The following PCDHGA11 variants were observed in gnomAD, a reference collection of about 807,000 sequenced individuals.
PCDHGA11 encodes protocadherin gamma subfamily A, 11.
Under a neutral mutation model 60.4 loss-of-function variants are expected in PCDHGA11, and 39 were observed. The ratio of observed to expected loss-of-function variants is 0.65; its 90% CI spans 0.50 to 0.84. The LOEUF is 0.84. Ranked by LOEUF, PCDHGA11 falls within the 40% of genes least tolerant of loss-of-function variation. PCDHGA11 has a pLI of 0.00. For synonymous variants in PCDHGA11, 533 were observed against 510.3 expected, an observed-to-expected ratio of 1.04 and a Z score of -0.60; for missense variants, 1,165 against 1,197.7, an observed-to-expected ratio of 0.97 and a Z score of 0.40.
chr5:141,432,960 G>C lies in PCDHGA11; in HGVS notation c.2433+9300G>C. ...CAGGCTTCAGGAGGCGGCTTGACAG[G>C]AGCGCCGGCGTCGCACTTTGTGGGC... On this transcript the variant is annotated intron_variant, in intron 1 of 3. Transcript: ENST00000398587. This position sits in a 1 kb window ranked among gnomAD's most constrained non-coding sequence, Gnocchi z 6.0. The C allele has an allele frequency of 2.5e-6, 4 of 1,614,188 alleles. No homozygotes were observed. The highest frequency in any genetic ancestry group is 3.4e-6 in the Non-Finnish European group (4 of 1,180,034).
chr5:141,453,423 C>T (rs931962019), intron 1 of PCDHGA11, among the ~76,000 whole-genome samples: 2 of 152,120 alleles, frequency 1.3e-5, no homozygotes, highest in African/African-American at 4.8e-5. Context: ...TAAGCCACCA[C>T]ACCTAGCCTA....
intron 1 of PCDHGA11, among the ~76,000 whole-genome samples, chr5:141,450,814 A>C (rs990515429): frequency 1.5e-5 from 2 of 136,790 alleles, no homozygotes; most frequent in Non-Finnish European, 3.1e-5. Context: ...TTATTTATTT[A>C]ATATTATTAT....
intron 3 of PCDHGA11, 73 bp from the exon 4 acceptor site, chr5:141,510,874 G>A (rs1419164967): frequency 3.7e-6 from 6 of 1,610,008 alleles, no homozygotes; most frequent in Admixed American, 1.7e-5. Context: ...TTCATTAACT[G>A]CTGGGGATAT....
rs761704779 is a variant in PCDHGA11 at position 141,486,764 on chromosome 5, C to T, written c.2434-8043C>T. ...CTTTGACTATGAGCAAACCCAGACA[C>T]TGCAGTTTGAGGTGCAGGCCCGGGA... On this transcript the variant is annotated intron_variant, in intron 1 of 3. Transcript: ENST00000398587. This position sits in a 1 kb window ranked among gnomAD's most constrained non-coding sequence, Gnocchi z 5.0. 6.2e-7 allele frequency: 1 copy of T among 1,614,264 alleles called. No homozygotes were observed. The highest frequency in any genetic ancestry group is 2.2e-5 in the East Asian group (1 of 44,880).
intron 2 of PCDHGA11, among the ~76,000 whole-genome samples, chr5:141,497,390 C>T (rs2099776143): frequency 6.6e-6 from 1 of 152,158 alleles, no homozygotes; most frequent in Non-Finnish European, 1.5e-5. Context: ...GAGCACCTTA[C>T]CCCTGCCTCA....
chr5:141,511,391 C>G lies in PCDHGA11; in HGVS notation c.*218C>G. ...TGCAAAAGCAGTTCCGCTGGGAACC[C>G]CCATCCAATCAACTGCTGTACCCAT... is the stretch of plus-strand genomic sequence containing the variant. On this transcript the variant is annotated 3_prime_UTR_variant, in exon 4 of 4. Coordinates refer to ENST00000398587, the MANE Select transcript of PCDHGA11 (RefSeq NM_018914.3). 2.8e-6 allele frequency: 3 copies of G among 1,079,748 alleles called. No homozygotes were observed. The highest frequency in any genetic ancestry group is 3.3e-5 in the South Asian group (2 of 60,136). The allele number at this position is 1,079,748 out of a possible 1,614,324, so 66.9% of individuals were successfully genotyped here. A position where few individuals can be genotyped will look rare whatever the true frequency, so the allele number is the denominator to read the frequency against.
At chr5:141,488,331 T>C (rs535498873) in intron 1 of PCDHGA11, among the ~76,000 whole-genome samples, 22 of 152,218 alleles carry the variant, frequency 1.4e-4, no homozygotes, top group Non-Finnish European at 3.1e-4. Context: ...TACAGTTGGC[T>C]GATTCATAGA....
chr5:141,483,660 G>GTCTGTA (rs2099584988), intron 1 of PCDHGA11, among the ~76,000 whole-genome samples: 1 of 152,094 alleles, frequency 6.6e-6, no homozygotes, highest in Non-Finnish European at 1.5e-5. Context: ...GTGTGTGTGT[G>GTCTGTA]TGTGTGTGTA....
chr5:141,476,951 A>C lies in PCDHGA11; in HGVS notation c.2434-17856A>C. On this transcript the variant is annotated intron_variant, in intron 1 of 3. Coordinates refer to ENST00000398587, the MANE Select transcript of PCDHGA11 (RefSeq NM_018914.3). The surrounding 1 kb of genome is among the most constrained non-coding windows in gnomAD (Gnocchi z 7.6). ...TCTGGATGAAGGCCCCAACGGTGAA[A>C]TTATTTACTCCTTCGGCAGCCACAA... 6.2e-7 allele frequency: 1 copy of C among 1,614,184 alleles called. No individual in the cohort carries two copies. Among genetic ancestry groups the C allele is most frequent in the South Asian group, 1.1e-5 (1 of 91,088 alleles).
chr5:141,483,255 GTTTT>G (rs147039946), intron 1 of PCDHGA11, among the ~76,000 whole-genome samples: 7,425 of 152,114 alleles, frequency 0.049, 355 homozygotes, highest in African/African-American at 0.13. Context: ...ATATCATGAG[GTTTT>G]TTTGTTTTAG....
chr5:141,432,803 G>T lies in PCDHGA11; in HGVS notation c.2433+9143G>T, dbSNP rs751950423. 3 of 1,614,160 alleles carry T rather than the reference G, an allele frequency of 1.9e-6. No homozygotes were observed. The highest frequency in any genetic ancestry group is 2.2e-5 in the East Asian group (1 of 44,874). ...GGACCTCGGCAGCCTCGAGTCTCCA[G>T]CTAACTCTGAAACCTCAGACCTCAC... On this transcript the variant is annotated intron_variant, in intron 1 of 3. Coordinates refer to ENST00000398587, the MANE Select transcript of PCDHGA11 (RefSeq NM_018914.3). This position sits in a 1 kb window ranked among gnomAD's most constrained non-coding sequence, Gnocchi z 6.0.
At chr5:141,448,394 T>C (rs1360417681) in intron 1 of PCDHGA11, among the ~76,000 whole-genome samples, 1 of 152,206 alleles carries the variant, frequency 6.6e-6, no homozygotes. Context: ...TACATTTACA[T>C]GGTTTTAAAA....
At chr5:141,456,593 G>C (rs917316601) in intron 1 of PCDHGA11, among the ~76,000 whole-genome samples, 2 of 152,168 alleles carry the variant, frequency 1.3e-5, no homozygotes, top group African/African-American at 4.8e-5. Flanking sequence ...CAATAATTTT[G>C]ATTTGATTTT....
At chr5:141,440,030 G>A (rs780807702) in intron 1 of PCDHGA11, 2 of 153,028 alleles carry the variant, frequency 1.3e-5, no homozygotes, top group African/African-American at 2.4e-5. Context: ...ACTCAGTGTC[G>A]AGGACATGCC....
At position 141,490,632 on chromosome 5, in the gene PCDHGA11, A is replaced by C; in HGVS notation, c.2434-4175A>C. Reference sequence around the variant, plus strand: ...AGCAGCTTTACACTGCTTACATCCTAGAAAACCGGCCTCCGGGCTCCCTTC... The same window carrying C: ...AGCAGCTTTACACTGCTTACATCCTCGAAAACCGGCCTCCGGGCTCCCTTC... On this transcript the variant is annotated intron_variant, in intron 1 of 3. Transcript: ENST00000398587. This position sits in a 1 kb window ranked among gnomAD's most constrained non-coding sequence, Gnocchi z 5.4. The C allele has an allele frequency of 1.2e-6, 2 of 1,614,196 alleles. No individual in the cohort carries two copies. Among genetic ancestry groups the C allele is most frequent in the South Asian group, 1.1e-5 (1 of 91,088 alleles).
rs1427825232 is a variant in PCDHGA11, at chr5:141,423,084, G to C, written c.1857G>C (p.Ala619=). The C allele has an allele frequency of 1.2e-6, 2 of 1,613,942 alleles. No individual in the cohort carries two copies. The highest frequency in any genetic ancestry group is 1.7e-6 in the Non-Finnish European group (2 of 1,180,030). Residue 619 remains alanine, a synonymous_variant, in exon 1 of 4, where the codon GCG becomes GCC. Transcript: ENST00000398587. ...LLKASEPGLF[A]VGEHTGEVRT... is the part of the protein sequence containing the mutation. Reference sequence around the variant, plus strand: ...AGGCCAGCGAGCCGGGACTCTTCGCGGTGGGGGAGCACACGGGCGAGGTGC... The same window carrying C: ...AGGCCAGCGAGCCGGGACTCTTCGCCGTGGGGGAGCACACGGGCGAGGTGC...
At chr5:141,443,760 T>C (rs894568340) in intron 1 of PCDHGA11, among the ~76,000 whole-genome samples, 20 of 152,040 alleles carry the variant, frequency 1.3e-4, no homozygotes, top group African/African-American at 4.6e-4. Context: ...AAGCTTACAA[T>C]ATACAATATT....
intron 1 of PCDHGA11, among the ~76,000 whole-genome samples, chr5:141,481,037 G>A (rs1438691746): frequency 2.0e-5 from 3 of 152,050 alleles, no homozygotes; most frequent in East Asian, 3.9e-4. Context: ...CAGCCTGGGC[G>A]ACAGAGCGAG....
rs764658508 is a variant in PCDHGA11 at position 141,431,546 on chromosome 5, G to A, written c.2433+7886G>A. 1.2e-6 allele frequency: 2 copies of A among 1,614,000 alleles called. No homozygotes were observed. Among genetic ancestry groups the A allele is most frequent in the Admixed American group, 3.3e-5 (2 of 60,012 alleles). On this transcript the variant is annotated intron_variant, in intron 1 of 3. Coordinates refer to ENST00000398587, the MANE Select transcript of PCDHGA11 (RefSeq NM_018914.3). This position sits in a 1 kb window ranked among gnomAD's most constrained non-coding sequence, Gnocchi z 4.8. The stretch of plus-strand genomic sequence containing the variant: ...TCTGGCCTTGGGCACGCAGCTGCTT[G>A]TAGTCAACGCTACCGACCCTGACGA...
Sources: gnomAD v4.1 joint callset for allele counts (sites outside exome capture counted in the v4.1 genomes callset) on GRCh38, gnomAD v4.1.1 for gene constraint, Gnocchi (gnomAD v3.1) non-coding constraint, MANE v1.5 for transcripts, NCBI Gene and HGNC (gene_info 2026-07-23, HGNC 2026-07-21) for gene names.